The following DACH2 variants were observed in gnomAD, a reference collection of about 807,000 sequenced individuals.
DACH2 encodes dachshund homolog 2.
A neutral mutation model predicts 35.8 loss-of-function variants in DACH2; 17 were observed. The ratio of observed to expected loss-of-function variants is 0.48; its 90% CI spans 0.33 to 0.71. The LOEUF (loss-of-function observed/expected upper bound fraction) is 0.71, where lower values mean the gene tolerates loss of function less well. DACH2 is among the 30% of genes least tolerant of loss of function. The pLI, the probability that DACH2 is intolerant of heterozygous loss-of-function variation, is 0.02. For synonymous variants in DACH2, 195 were observed against 177.3 expected (o/e 1.10, Z -0.79); for missense variants, 469 against 472.7 (o/e 0.99, Z 0.07).
At chrX:86,380,704 T>C (rs1013315578) in intron 2 of DACH2, among the ~76,000 whole-genome samples, 1 of 110,385 alleles carries the variant, frequency 9.1e-6, no homozygotes, top group African/African-American at 3.3e-5. Context: ...TCCTTTTTAC[T>C]CCACAAATGA....
chrX:86,518,761 G>A (rs1432356581), intron 3 of DACH2, among the ~76,000 whole-genome samples: 1 of 111,917 alleles, frequency 8.9e-6, no homozygotes, highest in Admixed American at 9.5e-5. Context: ...CTGCAACTGT[G>A]CTGAAGTTGT....
chrX:86,167,346 G>T (rs1412082931), intron 1 of DACH2, among the ~76,000 whole-genome samples: 2 of 111,004 alleles, frequency 1.8e-5, no homozygotes, highest in African/African-American at 3.3e-5. Flanking sequence ...TTGCCATATA[G>T]TTGCTCATAG....
intron 7 of DACH2, among the ~76,000 whole-genome samples, chrX:86,789,685 T>A (rs2042169842): frequency 8.9e-6 from 1 of 111,956 alleles, no homozygotes; most frequent in Non-Finnish European, 1.9e-5. Context: ...GAGCAAAGTA[T>A]AAGATATGGC....
intron 1 of DACH2, among the ~76,000 whole-genome samples, chrX:86,199,300 G>A (rs776603107): frequency 9.0e-6 from 1 of 111,557 alleles, no homozygotes; most frequent in South Asian, 3.8e-4. Context: ...GAAACCCACA[G>A]CCTACATCAC....
At chrX:86,245,471 G>C (rs1385519614) in intron 1 of DACH2, among the ~76,000 whole-genome samples, 1 of 111,724 alleles carries the variant, frequency 9.0e-6, no homozygotes, top group Non-Finnish European at 1.9e-5. Flanking sequence ...TGCCCCTTTA[G>C]AGCAGAAGGT....
At chrX:86,407,642 T>C (rs1293584126) in intron 2 of DACH2, among the ~76,000 whole-genome samples, 1 of 112,131 alleles carries the variant, frequency 8.9e-6, no homozygotes. Context: ...CATACGGAGA[T>C]AGAAAGGCTG....
At chrX:86,758,939 A>G (rs1488119678) in intron 7 of DACH2, among the ~76,000 whole-genome samples, 2 of 112,094 alleles carry the variant, frequency 1.8e-5, no homozygotes, top group African/African-American at 6.5e-5. Context: ...TCTTTTAGTT[A>G]TTTTTAAATG....
At chrX:86,752,566 C>T (rs1206382048) in intron 7 of DACH2, among the ~76,000 whole-genome samples, 1 of 111,533 alleles carries the variant, frequency 9.0e-6, no homozygotes, top group Admixed American at 9.6e-5. Flanking sequence ...TTTTAAAGAA[C>T]CAGGATAACT....
chrX:86,220,980 C>A (rs771128805), intron 1 of DACH2, among the ~76,000 whole-genome samples: 11 of 111,243 alleles, frequency 9.9e-5, no homozygotes, highest in Non-Finnish European at 1.3e-4. Context: ...TGTTGAACAC[C>A]TTTTTATATT....
At chrX:86,497,102 A>G (rs2038183570) in intron 2 of DACH2, among the ~76,000 whole-genome samples, 1 of 111,856 alleles carries the variant, frequency 8.9e-6, no homozygotes, top group African/African-American at 3.3e-5. Flanking sequence ...CTTTAATCTG[A>G]AAACTCCAAT....
chrX:86,765,667 T>C (rs1221658348), intron 7 of DACH2, among the ~76,000 whole-genome samples: 1 of 104,864 alleles, frequency 9.5e-6, no homozygotes, highest in Non-Finnish European at 2.0e-5. Flanking sequence ...GGTAATGTGA[T>C]GCCTCTGGTT....
At position 86,503,293 on chromosome X, in the gene DACH2, G is replaced by A. The variant is rs1041208967; in HGVS notation, c.528-10986G>A. Among the ~76,000 whole-genome samples the A allele has an allele frequency of 2.4e-4, 27 of 111,697 alleles. 1 individual carries two copies. Among genetic ancestry groups the A allele is most frequent in the Admixed American group, 2.1e-3 (22 of 10,526 alleles). ...ACGGTTTTACAATTTGAGCTGTATC[G>A]GGATATTTTTCTAATCCTGAACTGA... On this transcript the variant is annotated intron_variant, in intron 2 of 11. Transcript: ENST00000373125.
chrX:86,443,077 T>C (rs1260339995), intron 2 of DACH2, among the ~76,000 whole-genome samples: 2 of 112,003 alleles, frequency 1.8e-5, no homozygotes, highest in African/African-American at 3.2e-5. Context: ...TAGTTCCATA[T>C]AATTTTTAGA....
chrX:86,502,816 G>C (rs978223923), intron 2 of DACH2, among the ~76,000 whole-genome samples: 1 of 111,906 alleles, frequency 8.9e-6, no homozygotes. Context: ...GAACAGCTTC[G>C]AATGTGATCC....
At position 86,739,881 on chromosome X, in the gene DACH2, G is replaced by T. The variant is rs978154923; in HGVS notation, c.1239G>T (p.Met413Ile). ...AGATGGATCATCATTTGGAAAGAAT[G>T]GGTGAGTAACTTTTCTGAAACAGGT... Reference protein sequence around the residue: ...PSQMDHHLERMEEVPVQIPIM... With the variant: ...PSQMDHHLERIEEVPVQIPIM... Residue 413 changes from methionine (M) to isoleucine (I), a missense_variant and splice_region_variant, in exon 7 of 12, where the codon ATG becomes ATT. Coordinates refer to ENST00000373125, the MANE Select transcript of DACH2 (RefSeq NM_053281.3). 21 of 1,186,624 alleles carry T rather than the reference G, an allele frequency of 1.8e-5. No homozygotes were observed. Among genetic ancestry groups the T allele is most frequent in the Non-Finnish European group, 2.4e-5 (21 of 884,867 alleles).
At chrX:86,600,288 A>C (rs1262393454) in intron 3 of DACH2, among the ~76,000 whole-genome samples, 2 of 112,269 alleles carry the variant, frequency 1.8e-5, no homozygotes, top group Non-Finnish European at 3.8e-5. Flanking sequence ...AATAATTCTC[A>C]CCAATTATGA....
At chrX:86,830,427 C>T (rs1490359312) in intron 11 of DACH2, 1 of 111,725 alleles carries the variant, frequency 9.0e-6, no homozygotes, top group Admixed American at 9.5e-5. Flanking sequence ...AAAGTTGATT[C>T]ACTTAATATT....
chrX:86,368,507 AT>A (rs760376770), intron 1 of DACH2, among the ~76,000 whole-genome samples: 21 of 110,669 alleles, frequency 1.9e-4, no homozygotes, highest in African/African-American at 6.2e-4. Context: ...GATATCAATT[AT>A]AAGCATGTTT....
At chrX:86,393,242 C>T (rs928170109) in intron 2 of DACH2, among the ~76,000 whole-genome samples, 3 of 111,273 alleles carry the variant, frequency 2.7e-5, no homozygotes, top group African/African-American at 9.8e-5. Flanking sequence ...TATGCTGTCT[C>T]TCTACCTGAA....
Sources: gnomAD v4.1 joint callset for allele counts (sites outside exome capture counted in the v4.1 genomes callset) on GRCh38, gnomAD v4.1.1 for gene constraint, MANE v1.5 for transcripts, NCBI Gene and HGNC (gene_info 2026-07-23, HGNC 2026-07-21) for gene names.